Variants in ZNF618 observed in about 807,000 individuals in gnomAD.
ZNF618 encodes the protein zinc finger protein 618.
ZNF618 carries 34 observed loss-of-function variants against 103.0 expected under a neutral mutation model. The observed-to-expected ratio is 0.33, with a 90% CI of 0.25 to 0.44. The LOEUF is 0.44. Among genes scored for constraint, ZNF618 ranks in the 20% least tolerant of loss-of-function variants. The probability of loss-of-function intolerance (pLI) is 1.00; values close to 1 mark genes in which losing one functional copy is unlikely to be tolerated. For synonymous variants in ZNF618, 551 were observed against 542.2 expected, an observed-to-expected ratio of 1.02 and a Z score of -0.23; for missense variants, 1,059 against 1,295.4, an observed-to-expected ratio of 0.82 and a Z score of 2.80.
intron 4 of ZNF618, among the ~76,000 whole-genome samples, chr9:113,999,199 G>T (rs1840924235): frequency 6.6e-6 from 1 of 152,086 alleles, no homozygotes; most frequent in South Asian, 2.1e-4. Flanking sequence ...GCGAGGCGCA[G>T]GTGGGGGCCC....
chr9:113,997,919 A>G (rs1393619366), intron 3 of ZNF618, among the ~76,000 whole-genome samples: 1 of 152,242 alleles, frequency 6.6e-6, no homozygotes, highest in Non-Finnish European at 1.5e-5. Flanking sequence ...AGGGGGATGC[A>G]TGGACACTGC....
At chr9:113,986,824 C>A (rs190314186) in intron 2 of ZNF618, among the ~76,000 whole-genome samples, 1 of 152,208 alleles carries the variant, frequency 6.6e-6, no homozygotes, top group Admixed American at 6.5e-5. Flanking sequence ...CCCAACCTTT[C>A]TCCACCTTGG....
intron 2 of ZNF618, among the ~76,000 whole-genome samples, chr9:113,971,942 T>A (rs1292668145): frequency 2.0e-5 from 3 of 152,196 alleles, no homozygotes; most frequent in Admixed American, 1.3e-4. Context: ...CCTGGGGTTG[T>A]GTGTGGCTTA....
chr9:114,016,652 G>A, intron 9 of ZNF618, 43 bp from the exon 10 acceptor site: 3 of 1,521,000 alleles, frequency 2.0e-6, no homozygotes, highest in Non-Finnish European at 2.7e-6. Flanking sequence ...TCTTGGTGGA[G>A]GCCAGTTGCA....
chr9:113,968,957 G>A (rs531152522), intron 1 of ZNF618, among the ~76,000 whole-genome samples, 160 bp from the exon 2 acceptor site: 1 of 152,288 alleles, frequency 6.6e-6, no homozygotes, highest in African/African-American at 2.4e-5. Context: ...TTACCACTGG[G>A]CACAAGTTTG....
At chr9:113,886,309 T>C (rs1829066131) in intron 1 of ZNF618, among the ~76,000 whole-genome samples, 1 of 152,176 alleles carries the variant, frequency 6.6e-6, no homozygotes, top group South Asian at 2.1e-4. Flanking sequence ...CCCAACATTT[T>C]TGTGGAAAAT....
chr9:113,896,212 G>A (rs927901324), intron 1 of ZNF618, among the ~76,000 whole-genome samples: 16 of 151,764 alleles, frequency 1.1e-4, no homozygotes, highest in East Asian at 3.9e-4. Context: ...TAAGCCCACC[G>A]TTCTGCTTTC....
intron 10 of ZNF618, among the ~76,000 whole-genome samples, chr9:114,027,331 G>A (rs1209330667): frequency 6.6e-6 from 1 of 152,198 alleles, no homozygotes; most frequent in Non-Finnish European, 1.5e-5. Context: ...GAGGCCTTGG[G>A]ATTTGTTTCT....
chr9:114,001,549 T>C (rs1225666339), intron 4 of ZNF618, among the ~76,000 whole-genome samples: 2 of 152,216 alleles, frequency 1.3e-5, no homozygotes, highest in African/African-American at 4.8e-5. Context: ...CCCAGGTGTG[T>C]CTGATTCAGT....
At chr9:113,942,038 C>G (rs755435424) in intron 1 of ZNF618, among the ~76,000 whole-genome samples, 2 of 152,112 alleles carry the variant, frequency 1.3e-5, no homozygotes, top group African/African-American at 2.4e-5. Context: ...TAGGACACAA[C>G]GGACAAAACA....
rs1304832019 is a variant in ZNF618 at position 114,051,760 on chromosome 9, C to G, written c.*1593C>G. On this transcript the variant is annotated 3_prime_UTR_variant, in exon 15 of 15. Transcript: ENST00000374126. ...GTGAAAGATGTCTTCAGGCTTTTCT[C>G]TCCTGTTCCCCCAGCTGTGAGCAAA... 6.6e-6 allele frequency: 1 copy of G among 152,424 alleles called. No homozygotes were observed. Among genetic ancestry groups the G allele is most frequent in the African/African-American group, 2.4e-5 (1 of 41,468 alleles). The allele number at this position is 152,424 out of a possible 1,614,324, so 9.4% of individuals were successfully genotyped here.
At position 114,053,936 on chromosome 9, in the gene ZNF618, T is replaced by A. The variant is rs1846295011; in HGVS notation, c.*3769T>A. ...CACACTTGACATCTGAGGATTGGTT[T>A]TTGGCTGGAAAAAGGGTACCAGGGT... On this transcript the variant is annotated 3_prime_UTR_variant, in exon 15 of 15. Transcript: ENST00000374126. 6.6e-6 allele frequency: 1 copy of A among 152,246 alleles called. No homozygotes were observed. Among genetic ancestry groups the A allele is most frequent in the Non-Finnish European group, 1.5e-5 (1 of 68,036 alleles). The allele number at this position is 152,246 out of a possible 1,614,324, so 9.4% of individuals were successfully genotyped here. A position where few individuals can be genotyped will look rare whatever the true frequency, so the allele number is the denominator to read the frequency against.
chr9:113,993,889 A>G (rs79522269), intron 3 of ZNF618, among the ~76,000 whole-genome samples: 61 of 26,820 alleles, frequency 2.3e-3, no homozygotes, highest in Middle Eastern at 0.05. Flanking sequence ...AGTCTCCAGG[A>G]GGGGATTTCA....
chr9:113,990,277 G>T (rs1010915939), intron 3 of ZNF618, among the ~76,000 whole-genome samples: 1 of 152,118 alleles, frequency 6.6e-6, no homozygotes, highest in Non-Finnish European at 1.5e-5. Flanking sequence ...GATTAGAGGG[G>T]CCCTGTCTGT....
chr9:114,008,037 G>A (rs954789448), intron 7 of ZNF618, among the ~76,000 whole-genome samples: 10 of 152,050 alleles, frequency 6.6e-5, no homozygotes, highest in African/African-American at 9.7e-5. Flanking sequence ...TCCTGCCCTG[G>A]CCCCTTGAAC....
At chr9:114,044,488 T>G (rs1845489674) in intron 13 of ZNF618, among the ~76,000 whole-genome samples, 1 of 152,214 alleles carries the variant, frequency 6.6e-6, no homozygotes, top group East Asian at 1.9e-4. Context: ...GCCCCCAGAT[T>G]TGTTCTTTTT....
Position 113,891,841 on chromosome 9 carries a change from G to A in ZNF618, c.33+15428G>A, listed in dbSNP as rs192281587. On this transcript the variant is annotated intron_variant, in intron 1 of 14. Transcript: ENST00000374126. ...ATGGTTAAGATGGTAAGAGAAACAA[G>A]TTAAATATTTACATAACCTAACAAA... Among the ~76,000 whole-genome samples the A allele has an allele frequency of 4.1e-3, 617 of 152,272 alleles. 2 individuals are homozygous for A. The highest frequency in any genetic ancestry group is 7.5e-3 in the Non-Finnish European group (508 of 68,026).
chr9:114,036,567 G>T (rs1844634177), intron 13 of ZNF618, among the ~76,000 whole-genome samples, 190 bp downstream of exon 13: 1 of 152,244 alleles, frequency 6.6e-6, no homozygotes, highest in African/African-American at 2.4e-5. Flanking sequence ...TGCTCTGCAG[G>T]TGGGGGCGGT....
chr9:113,902,259 C>A (rs995090686), intron 1 of ZNF618, among the ~76,000 whole-genome samples: 4 of 152,066 alleles, frequency 2.6e-5, no homozygotes, highest in Non-Finnish European at 5.9e-5. Context: ...TTCAGAGAAC[C>A]CCATGTGGAG....
Sources: gnomAD v4.1 joint callset for allele counts (sites outside exome capture counted in the v4.1 genomes callset) on GRCh38, gnomAD v4.1.1 for gene constraint, MANE v1.5 for transcripts, NCBI Gene and HGNC (gene_info 2026-07-23, HGNC 2026-07-21) for gene names.